Variants in HSPE1 observed in about 807,000 individuals in gnomAD.
The protein encoded by HSPE1 is heat shock protein family E (Hsp10) member 1, also known as 10 kDa heat shock protein, mitochondrial.
A neutral mutation model predicts 13.2 loss-of-function variants in HSPE1; 1 was observed. That is an observed-to-expected ratio of 0.08 (90% CI 0.03 to 0.36). The LOEUF (loss-of-function observed/expected upper bound fraction) is 0.36, where lower values mean the gene tolerates loss of function less well. Among genes scored for constraint, HSPE1 ranks in the 10% least tolerant of loss-of-function variants. HSPE1 has a pLI of 0.99. For missense variants in HSPE1, 73 were observed against 118.7 expected (o/e 0.62, Z 1.79); for synonymous variants, 44 against 42.0 (o/e 1.05, Z -0.19).
Position 197,500,397 on chromosome 2 carries a change from C to G in HSPE1, c.-40C>G. The stretch of plus-strand genomic sequence containing the variant: ...CCGGACTGCGAGTCTCTTTGCGGCG[C>G]TACACTAGAGCAGAGTACGAGTCTG... On this transcript the variant is annotated 5_prime_UTR_variant, in exon 1 of 4. Coordinates refer to ENST00000233893, the MANE Select transcript of HSPE1 (RefSeq NM_002157.3). 1.3e-6 allele frequency: 2 copies of G among 1,595,206 alleles called. No homozygotes were observed. The highest frequency in any genetic ancestry group is 1.7e-4 in the Middle Eastern group (1 of 5,986).
chr2:197,502,734 T>A (rs536180526), intron 2 of HSPE1, among the ~76,000 whole-genome samples: 1 of 152,386 alleles, frequency 6.6e-6, no homozygotes, highest in African/African-American at 2.4e-5. Context: ...TGTTAATATT[T>A]AACAGTTATA....
In HSPE1 at chr2:197,503,028, C is replaced by T. The variant is rs1395715699; in HGVS notation, c.169-11C>T. On this transcript the variant is annotated splice_polypyrimidine_tract_variant and intron_variant, in intron 2 of 3. Transcript: ENST00000233893. ...GATATCTTTGCTAATAAACATCCTT[C>T]CTTTTTTAAGGGTGGAGAGATTCAA... The T allele has an allele frequency of 6.5e-7, 1 of 1,534,594 alleles. No individual in the cohort carries two copies. Among genetic ancestry groups the T allele is most frequent in the East Asian group, 2.3e-5 (1 of 44,430 alleles).
intron 1 of HSPE1, chr2:197,500,829 T>C (rs1349755973): frequency 1.0e-5 from 6 of 594,610 alleles, no homozygotes; most frequent in Non-Finnish European, 1.8e-5. Flanking sequence ...TAAACTAAGG[T>C]TGACCTTAAA....
In HSPE1 at chr2:197,501,111, A is replaced by G; in HGVS notation, c.41A>G (p.Asp14Gly). Residue 14 changes from aspartate to glycine, a missense_variant, in exon 2 of 4, where the codon GAC (aspartate) becomes GGC (glycine). Physicochemically the swap from Asp to Gly is moderately conservative, Grantham distance 94 (BLOSUM62 -1). Transcript: ENST00000233893. Reference protein sequence around the residue: ...QAFRKFLPLFDRVLVERSAAE... With the variant: ...QAFRKFLPLFGRVLVERSAAE... ...TTTAGAAAGTTTCTTCCACTCTTTG[A>G]CCGAGTATTGGTTGAAAGGAGTGCT... The G allele has an allele frequency of 6.2e-7, 1 of 1,613,996 alleles. No individual in the cohort carries two copies. The highest frequency in any genetic ancestry group is 8.5e-7 in the Non-Finnish European group (1 of 1,179,918).
chr2:197,500,610 A>G, intron 1 of HSPE1, 171 bp downstream of exon 1: 1 of 1,020,026 alleles, frequency 9.8e-7, no homozygotes, highest in Middle Eastern at 2.8e-4. Context: ...TTTCTCCCCC[A>G]GGGCTCTTTG....
Position 197,503,206 on chromosome 2 carries a change from C to A in HSPE1, c.259-3C>A. On this transcript the variant is annotated splice_polypyrimidine_tract_variant and splice_region_variant and intron_variant, in intron 3 of 3. Transcript: ENST00000233893. ...CTTAACTAATGGTTTTTTTCACTTG[C>A]AGGATTATTTCCTATTTAGAGATGG... 2 of 1,598,672 alleles carry A rather than the reference C, an allele frequency of 1.3e-6. No homozygotes were observed. The highest frequency in any genetic ancestry group is 1.3e-5 in the African/African-American group (1 of 74,750).
rs1209255268 is a variant in HSPE1 at position 197,501,211 on chromosome 2, C to T, written c.141C>T (p.Val47=). Reference sequence around the variant, plus strand: ...GAAAAGTATTGCAAGCAACAGTAGTCGCTGTTGGATCGGGTTCTAAAGGAA... The same window carrying T: ...GAAAAGTATTGCAAGCAACAGTAGTTGCTGTTGGATCGGGTTCTAAAGGAA... The part of the protein sequence containing the change: ...SQGKVLQATV[V]AVGSGSKGKG... The change falls in exon 2 of 4, where the codon GTC becomes GTT. Residue 47 remains valine, a synonymous_variant. Transcript: ENST00000233893. 6.2e-7 allele frequency: 1 copy of T among 1,613,206 alleles called. No individual in the cohort carries two copies. Among genetic ancestry groups the T allele is most frequent in the Non-Finnish European group, 8.5e-7 (1 of 1,179,532 alleles).
At position 197,501,106 on chromosome 2, in the gene HSPE1, C is replaced by T. The variant is rs1256416632; in HGVS notation, c.36C>T (p.Leu12=). The change falls in exon 2 of 4, where the codon CTC becomes CTT. Residue 12 remains leucine (L), a synonymous_variant. Coordinates refer to ENST00000233893, the MANE Select transcript of HSPE1 (RefSeq NM_002157.3). ...AAGCGTTTAGAAAGTTTCTTCCACT[C>T]TTTGACCGAGTATTGGTTGAAAGGA... is the stretch of plus-strand genomic sequence containing the variant. ...AGQAFRKFLP[L]FDRVLVERSA... The T allele has an allele frequency of 2.5e-6, 4 of 1,613,872 alleles. No individual in the cohort carries two copies. The highest frequency in any genetic ancestry group is 1.7e-5 in the Admixed American group (1 of 59,990).
intron 2 of HSPE1, 127 bp downstream of exon 2, chr2:197,501,365 GGTT>G: frequency 9.1e-7 from 1 of 1,104,720 alleles, no homozygotes; most frequent in Non-Finnish European, 1.3e-6. Context: ...TAACTGCTTT[GGTT>G]CTAATCTGTT....
chr2:197,500,379 G>C lies in HSPE1; in HGVS notation c.-58G>C. The C allele has an allele frequency of 1.3e-6, 2 of 1,581,408 alleles. No homozygotes were observed. Among genetic ancestry groups the C allele is most frequent in the Non-Finnish European group, 1.7e-6 (2 of 1,164,516 alleles). The stretch of plus-strand genomic sequence containing the variant: ...TTTCACGTGTCGCCAGGGCCGGACT[G>C]CGAGTCTCTTTGCGGCGCTACACTA... On this transcript the variant is annotated 5_prime_UTR_variant, in exon 1 of 4. Coordinates refer to ENST00000233893, the MANE Select transcript of HSPE1 (RefSeq NM_002157.3).
chr2:197,500,794 A>C (rs2086242604), intron 1 of HSPE1: 1 of 581,080 alleles, frequency 1.7e-6, no homozygotes, highest in African/African-American at 1.9e-5. Context: ...AAAAACCTGA[A>C]GAAGGAAAAC....
At position 197,502,780 on chromosome 2, in the gene HSPE1, G is replaced by C. The variant is rs926175617; in HGVS notation, c.169-259G>C. Among the ~76,000 whole-genome samples, 7 of 152,126 alleles carry C rather than the reference G, an allele frequency of 4.6e-5. No individual in the cohort carries two copies. In the East Asian group the frequency reaches 1.3e-3, roughly 29 times the overall value. On this transcript the variant is annotated intron_variant, in intron 2 of 3. Transcript: ENST00000233893. ...TAGTTAACTAAAGTTAGCTTTTCCA[G>C]AATATTTTCTTGAACTTTTACGTTG...
Position 197,503,426 on chromosome 2 carries a change from T to TG in HSPE1, c.*167_*168insG. 1 of 458,188 alleles carries TG rather than the reference T, an allele frequency of 2.2e-6. No individual in the cohort carries two copies. Among genetic ancestry groups the TG allele is most frequent in the Non-Finnish European group, 3.9e-6 (1 of 259,390 alleles). The allele number at this position is 458,188 out of a possible 1,614,324, so 28.4% of individuals were successfully genotyped here. On this transcript the variant is annotated 3_prime_UTR_variant, in exon 4 of 4. Transcript: ENST00000233893. ...TGTTTCCTTGTACTGATATAAACAC[T>TG]TCCAAATAAAAATATGTAAATGAGT...
intron 2 of HSPE1, among the ~76,000 whole-genome samples, chr2:197,502,247 A>G (rs192327956): frequency 6.8e-4 from 104 of 152,022 alleles, no homozygotes; most frequent in African/African-American, 2.1e-3. Context: ...TTCTTTTGCA[A>G]TTTTTTTTAA....
At chr2:197,500,743 C>T (rs1355587789) in intron 1 of HSPE1, 2 of 586,888 alleles carry the variant, frequency 3.4e-6, no homozygotes, top group Non-Finnish European at 3.0e-6. Context: ...ATCATGGTGC[C>T]AGGCAGGGAG....
intron 2 of HSPE1, 38 bp from the exon 3 acceptor site, chr2:197,503,001 T>A (rs1437268725): frequency 9.0e-7 from 1 of 1,113,354 alleles, no homozygotes; most frequent in Non-Finnish European, 1.4e-6. Flanking sequence ...TTGGGTGAAC[T>A]AGATATCTTT....
chr2:197,500,534 G>T, intron 1 of HSPE1, 95 bp downstream of exon 1: 3 of 1,479,346 alleles, frequency 2.0e-6, no homozygotes, highest in Middle Eastern at 1.8e-4. Flanking sequence ...TGGGCGGGAG[G>T]GATTGGTGGC....
intron 1 of HSPE1, 149 bp from the exon 2 acceptor site, chr2:197,500,925 A>G (rs2086245050): frequency 1.1e-6 from 1 of 889,414 alleles, no homozygotes; most frequent in Non-Finnish European, 1.7e-6. Flanking sequence ...ATTGGTTAGT[A>G]CATTCAAATG....
At position 197,503,250 on chromosome 2, in the gene HSPE1, C is replaced by T. The variant is rs571118024; in HGVS notation, c.300C>T (p.Tyr100=). ...GAGATGGTGACATTCTTGGAAAGTA[C>T]GTAGACTGAAATAAGTCACTATTGA... ...LFRDGDILGK[Y]VD is the part of the protein sequence containing the mutation. The change falls in exon 4 of 4, where the codon TAC becomes TAT. Residue 100 remains tyrosine, a synonymous_variant. Coordinates refer to ENST00000233893, the MANE Select transcript of HSPE1 (RefSeq NM_002157.3). The T allele has an allele frequency of 2.2e-5, 36 of 1,600,866 alleles. No homozygotes were observed. The highest frequency in any genetic ancestry group is 9.9e-5 in the South Asian group (9 of 90,846).
Sources: allele counts gnomAD v4.1 joint callset (sites outside exome capture counted in the v4.1 genomes callset), GRCh38; gene constraint gnomAD v4.1.1; transcripts MANE v1.5; gene names NCBI Gene and HGNC (gene_info 2026-07-23, HGNC 2026-07-21).